The following ALS2 variants were observed in gnomAD, a reference collection of about 807,000 sequenced individuals.
ALS2 encodes alsin Rho guanine nucleotide exchange factor ALS2, also known as alsin.
In ALS2, 117 loss-of-function variants were observed where a neutral mutation model predicts 203.4. The ratio of observed to expected loss-of-function variants is 0.58; its 90% CI spans 0.50 to 0.67. ALS2 has a LOEUF of 0.67. Ranked by LOEUF, ALS2 falls within the 30% of genes least tolerant of loss-of-function variation. ALS2 has a pLI of 0.00. For missense variants in ALS2, 1,715 were observed against 1,989.4 expected, an observed-to-expected ratio of 0.86 and a Z score of 2.62; for synonymous variants, 718 against 725.9, an observed-to-expected ratio of 0.99 and a Z score of 0.17.
chr2:201,719,136 G>A (rs1215177042), intron 23 of ALS2, among the ~76,000 whole-genome samples: 1 of 152,220 alleles, frequency 6.6e-6, no homozygotes, highest in Admixed American at 6.5e-5. Context: ...ATTACTACCA[G>A]CCTATAGAAT....
At chr2:201,754,798 G>A (rs1293183881) in intron 5 of ALS2, 127 bp from the exon 6 acceptor site, 4 of 1,028,016 alleles carry the variant, frequency 3.9e-6, no homozygotes, top group Non-Finnish European at 5.7e-6. Flanking sequence ...ATATTCTAGA[G>A]GCTCTCTGTA....
chr2:201,767,432 T>C, intron 2 of ALS2, 49 bp from the exon 3 acceptor site: 2 of 1,587,222 alleles, frequency 1.3e-6, no homozygotes, highest in African/African-American at 1.3e-5. Flanking sequence ...TTCAGAACAG[T>C]ATCCTTTGTT....
rs750192476 is a variant in ALS2, at chr2:201,761,215, C to T, written c.779G>A (p.Gly260Asp). 7.4e-6 allele frequency: 12 copies of T among 1,614,034 alleles called. No individual in the cohort carries two copies. In the East Asian group the frequency reaches 1.3e-4, roughly 18 times the overall value. ...IISDSHCCPLGVTLTESQAEN... is the reference protein window; with the variant it reads ...IISDSHCCPLDVTLTESQAEN... ...TGCCTGAGATTCTGTCAGTGTCACA[C>T]CTAATGGGCAACAATGACTGTCTGA... is the stretch of plus-strand genomic sequence containing the variant. The change falls in exon 4 of 34, where the codon GGT becomes GAT. Residue 260 changes from glycine (G) to aspartate (D), a missense_variant. Gly to Asp is a moderately conservative substitution (Grantham distance 94). This residue lies in a region of ALS2 where 476 missense variants were observed against 539.3 expected (regional missense o/e 0.88). Coordinates refer to ENST00000264276, the MANE Select transcript of ALS2 (RefSeq NM_020919.4).
chr2:201,770,867 C>G (rs1167993237), intron 1 of ALS2, among the ~76,000 whole-genome samples: 1 of 152,098 alleles, frequency 6.6e-6, no homozygotes, highest in Non-Finnish European at 1.5e-5. Flanking sequence ...AGCAGCCATG[C>G]CGACACCTTG....
chr2:201,729,890 A>C (rs1038135553), intron 13 of ALS2, among the ~76,000 whole-genome samples: 12 of 151,682 alleles, frequency 7.9e-5, no homozygotes, highest in South Asian at 2.1e-4. Flanking sequence ...AAAAAAAAAA[A>C]AAAAAAAAAA....
Position 201,725,352 on chromosome 2 carries a change from T to C in ALS2, c.3347+4A>G. ...CACCAGTCCAACAGCCTTTCCAATG[T>C]TACCTGTAGACTCCTTGACCGCACA... On this transcript the variant is annotated splice_donor_region_variant and intron_variant, in intron 20 of 33. Transcript: ENST00000264276. 1 of 1,611,604 alleles carries C rather than the reference T, an allele frequency of 6.2e-7. No individual in the cohort carries two copies. The highest frequency in any genetic ancestry group is 8.5e-7 in the Non-Finnish European group (1 of 1,177,718).
chr2:201,745,180 C>T (rs1295843924), intron 9 of ALS2, among the ~76,000 whole-genome samples: 1 of 152,206 alleles, frequency 6.6e-6, no homozygotes, highest in Non-Finnish European at 1.5e-5. Context: ...CTGGCAACTA[C>T]AGACACATCT....
intron 4 of ALS2, chr2:201,759,731 T>C: frequency 3.0e-6 from 3 of 984,838 alleles, no homozygotes; most frequent in Non-Finnish European, 3.6e-6. Context: ...TAAAAATACC[T>C]TCATGTTCAC....
rs1559050964 is a variant in ALS2, at chr2:201,727,331, G to C, written c.2913-53C>G. On this transcript the variant is annotated intron_variant, in intron 16 of 33. Coordinates refer to ENST00000264276, the MANE Select transcript of ALS2 (RefSeq NM_020919.4). ...GGACATTTAACAACCTGTCATTACA[G>C]TATCGATCCTCAAATATGAAAAGCA... The C allele has an allele frequency of 2.9e-6, 4 of 1,369,942 alleles. No homozygotes were observed. In the East Asian group the frequency reaches 6.9e-5, roughly 24 times the overall value. The allele number at this position is 1,369,942 out of a possible 1,614,324, so 84.9% of individuals were successfully genotyped here.
chr2:201,773,229 C>T (rs370301159), intron 1 of ALS2, among the ~76,000 whole-genome samples: 16 of 152,248 alleles, frequency 1.1e-4, no homozygotes, highest in East Asian at 9.7e-4. Context: ...TGAACACTCA[C>T]GGAGCACCAA....
At chr2:201,756,022 T>C (rs1053492310) in intron 5 of ALS2, among the ~76,000 whole-genome samples, 3 of 152,192 alleles carry the variant, frequency 2.0e-5, no homozygotes, top group Non-Finnish European at 4.4e-5. Context: ...TCCTCAAGGA[T>C]GTACTCCAGA....
chr2:201,711,235 A>T (rs112993737), intron 25 of ALS2, 127 bp from the exon 26 acceptor site: 2 of 668,390 alleles, frequency 3.0e-6, no homozygotes, highest in South Asian at 1.7e-5. Flanking sequence ...ACTAAACCCA[A>T]CGAACTCAGA....
In ALS2 at chr2:201,715,673, T is replaced by C. The variant is rs781551580; in HGVS notation, c.4003A>G (p.Ser1335Gly). The C allele has an allele frequency of 1.2e-6, 2 of 1,614,224 alleles. No homozygotes were observed. Among genetic ancestry groups the C allele is most frequent in the South Asian group, 2.2e-5 (2 of 91,086 alleles). Reference sequence around the variant, plus strand: ...TATGTTGAGCAGGTGTTCACTCACCTGTCTCTGTGCTGGCGCCGACTGGTG... The same window carrying C: ...TATGTTGAGCAGGTGTTCACTCACCCGTCTCTGTGCTGGCGCCGACTGGTG... Reference protein sequence around the residue: ...LTTSRRQHRDSPEILSRSQTQ... With the variant: ...LTTSRRQHRDGPEILSRSQTQ... Residue 1335 changes from serine to glycine, a missense_variant and splice_region_variant, in exon 25 of 34, where the codon AGT becomes GGT. Ser to Gly is a moderately conservative substitution (Grantham distance 56). Around this residue, in one of 3 missense-constraint regions of ALS2, gnomAD observed 1,227 missense variants for 1,413.5 expected, o/e 0.87. Transcript: ENST00000264276.
rs1216448093 is a variant in ALS2 at position 201,757,722 on chromosome 2, G to A, written c.1151C>T (p.Pro384Leu). The change falls in exon 5 of 34, where the codon CCG becomes CTG. Residue 384 changes from proline to leucine, a missense_variant. Physicochemically the swap from Pro to Leu is moderately conservative, Grantham distance 98. This residue lies in a region of ALS2 where 476 missense variants were observed against 539.3 expected (regional missense o/e 0.88). Coordinates refer to ENST00000264276, the MANE Select transcript of ALS2 (RefSeq NM_020919.4). Reference protein sequence around the residue: ...LEEAIPNLHSPPTTSTSALNS... With the variant: ...LEEAIPNLHSLPTTSTSALNS... ...TAGGGCTGAGGTGCTTGTGGTAGGC[G>A]GGCTGTGGAGATTAGGAATTGCTTC... 2.7e-5 allele frequency: 44 copies of A among 1,612,504 alleles called. No homozygotes were observed. The highest frequency in any genetic ancestry group is 1.1e-4 in the East Asian group (5 of 44,894).
intron 29 of ALS2, among the ~76,000 whole-genome samples, chr2:201,706,412 C>T (rs1273795290): frequency 6.7e-6 from 1 of 148,884 alleles, no homozygotes; most frequent in Non-Finnish European, 1.5e-5. Context: ...AAAAACACTT[C>T]AAAACCTTTA....
chr2:201,752,798 A>G (rs931268784), intron 7 of ALS2, among the ~76,000 whole-genome samples: 1 of 152,168 alleles, frequency 6.6e-6, no homozygotes, highest in Non-Finnish European at 1.5e-5. Flanking sequence ...GTGTTTTACT[A>G]TGTATCTTCT....
At chr2:201,726,166 C>T (rs569588685) in intron 19 of ALS2, among the ~76,000 whole-genome samples, 151 of 152,214 alleles carry the variant, frequency 9.9e-4, no homozygotes, top group African/African-American at 3.2e-3. Flanking sequence ...ACTACCATCT[C>T]AATAGTCCCA....
intron 3 of ALS2, 29 bp downstream of exon 3, chr2:201,767,200 C>T (rs1426277806): frequency 1.1e-5 from 18 of 1,613,468 alleles, no homozygotes; most frequent in Middle Eastern, 1.7e-4. Flanking sequence ...CATTGCAGTT[C>T]GTATTTGTTA....
intron 1 of ALS2, among the ~76,000 whole-genome samples, chr2:201,773,021 C>G (rs1429055849): frequency 6.6e-6 from 1 of 151,924 alleles, no homozygotes; most frequent in Non-Finnish European, 1.5e-5. Flanking sequence ...ACCACCACAC[C>G]TGGCTAATTT....
Sources: gnomAD v4.1 joint callset for allele counts (sites outside exome capture counted in the v4.1 genomes callset) on GRCh38, gnomAD v4.1.1 for gene constraint, gnomAD v4.1.1 regional missense constraint, MANE v1.5 for transcripts, NCBI Gene and HGNC (gene_info 2026-07-23, HGNC 2026-07-21) for gene names.